TBC1D30: variants seen among roughly 807,000 people sequenced by gnomAD.
TBC1D30 encodes TBC1 domain family, member 30.
In TBC1D30, 31 loss-of-function variants were observed where a neutral mutation model predicts 63.2. The observed-to-expected ratio is 0.49, with a 90% CI of 0.37 to 0.66. TBC1D30 has a LOEUF of 0.66. Among genes scored for constraint, TBC1D30 ranks in the 30% least tolerant of loss-of-function variants. TBC1D30 has a pLI of 0.00. For synonymous variants in TBC1D30, 307 were observed against 361.5 expected, an observed-to-expected ratio of 0.85 and a Z score of 1.71; for missense variants, 810 against 953.6, an observed-to-expected ratio of 0.85 and a Z score of 1.98.
At position 64,877,967 on chromosome 12, in the gene TBC1D30, T is replaced by A. The variant is rs1478266648; in HGVS notation, c.*2179T>A. 1 of 158,466 alleles carries A rather than the reference T, an allele frequency of 6.3e-6. No homozygotes were observed. The highest frequency in any genetic ancestry group is 1.4e-5 in the Non-Finnish European group (1 of 71,446). The allele number at this position is 158,466 out of a possible 1,614,324, so 9.8% of individuals were successfully genotyped here. A position where few individuals can be genotyped will look rare whatever the true frequency, so the allele number is the denominator to read the frequency against. On this transcript the variant is annotated 3_prime_UTR_variant, in exon 12 of 12. Transcript: ENST00000539867. Reference sequence around the variant, plus strand: ...ATACAAGTCCTTGGGATTGTACCATTGCTGTCCACAAACTTAGTATCAACA... The same window carrying A: ...ATACAAGTCCTTGGGATTGTACCATAGCTGTCCACAAACTTAGTATCAACA...
chr12:64,813,142 C>T (rs1873312364), intron 2 of TBC1D30, among the ~76,000 whole-genome samples: 1 of 152,128 alleles, frequency 6.6e-6, no homozygotes, highest in Admixed American at 6.6e-5. Context: ...GTAATCCCAG[C>T]ACTTTGGAAG....
chr12:64,871,536 G>A (rs1255101228), intron 11 of TBC1D30, among the ~76,000 whole-genome samples: 2 of 152,170 alleles, frequency 1.3e-5, no homozygotes, highest in Non-Finnish European at 2.9e-5. Flanking sequence ...GTGAGCATGT[G>A]ACTGATCCTG....
intron 2 of TBC1D30, among the ~76,000 whole-genome samples, chr12:64,801,189 G>A (rs1416980140): frequency 6.6e-6 from 1 of 152,144 alleles, no homozygotes; most frequent in Admixed American, 6.5e-5. Context: ...CTGGAGGAGG[G>A]GCCGTATCAT....
intron 8 of TBC1D30, among the ~76,000 whole-genome samples, chr12:64,861,526 T>G (rs1362844799): frequency 1.3e-5 from 2 of 152,236 alleles, no homozygotes; most frequent in Admixed American, 1.3e-4. Flanking sequence ...CTTTCCCTTT[T>G]CTTTCTGTTC....
intron 2 of TBC1D30, among the ~76,000 whole-genome samples, chr12:64,807,063 C>G (rs1271534628): frequency 6.6e-6 from 1 of 152,096 alleles, no homozygotes; most frequent in Non-Finnish European, 1.5e-5. Context: ...GTGTCCCCAC[C>G]CAAAGCTCAT....
intron 1 of TBC1D30, among the ~76,000 whole-genome samples, chr12:64,783,021 G>T (rs2136292106): frequency 6.6e-6 from 1 of 152,140 alleles, no homozygotes; most frequent in East Asian, 1.9e-4. Context: ...TGCTTATCAG[G>T]TTATTTGATC....
intron 8 of TBC1D30, among the ~76,000 whole-genome samples, chr12:64,847,570 A>G (rs1452852934): frequency 1.3e-5 from 2 of 151,484 alleles, no homozygotes; most frequent in African/African-American, 4.8e-5. Context: ...AGGTTTTAGT[A>G]TGTTGTATTT....
In TBC1D30 at chr12:64,839,962, G is replaced by A. The variant is rs552109291; in HGVS notation, c.932+1111G>A. Among the ~76,000 whole-genome samples the A allele has an allele frequency of 8.4e-5, 11 of 131,432 alleles. No homozygotes were observed. The East Asian group carries it at 2.4e-3, about 28-fold the overall frequency. 86.2% of individuals were successfully genotyped at this position (131,432 alleles called of 152,430 possible). A position where few individuals can be genotyped will look rare whatever the true frequency, so the allele number is the denominator to read the frequency against. The stretch of plus-strand genomic sequence containing the variant: ...GGAGCTTGCAGTGAGCCGAGATCGT[G>A]CCACTGCACTCTAGCCTGGACGACA... On this transcript the variant is annotated intron_variant, in intron 7 of 11. Coordinates refer to ENST00000539867, the MANE Select transcript of TBC1D30 (RefSeq NM_015279.2).
intron 9 of TBC1D30, among the ~76,000 whole-genome samples, 176 bp from the exon 10 acceptor site, chr12:64,866,588 G>T (rs1448550221): frequency 6.6e-6 from 1 of 152,028 alleles, no homozygotes; most frequent in Admixed American, 6.6e-5. Flanking sequence ...CAGGTGTGCG[G>T]CACCACACCT....
intron 2 of TBC1D30, among the ~76,000 whole-genome samples, chr12:64,807,869 C>A (rs116935904): frequency 1.3e-5 from 2 of 150,872 alleles, no homozygotes; most frequent in African/African-American, 2.5e-5. Context: ...CCTGCCTCAG[C>A]CTCCTGAGTA....
intron 1 of TBC1D30, 24 bp from the exon 2 acceptor site, chr12:64,827,811 T>A (rs1298916014): frequency 1.4e-6 from 2 of 1,467,474 alleles, no homozygotes; most frequent in Non-Finnish European, 1.8e-6. Context: ...AAAAATAACA[T>A]CTATTTATGT....
At chr12:64,773,650 T>A (rs1285612339) in intron 1 of TBC1D30, among the ~76,000 whole-genome samples, 1 of 152,190 alleles carries the variant, frequency 6.6e-6, no homozygotes, top group Non-Finnish European at 1.5e-5. Context: ...CTGCCCTCTT[T>A]GCTGTTTTAC....
chr12:64,852,463 C>T (rs1876956556), intron 8 of TBC1D30, among the ~76,000 whole-genome samples: 1 of 152,088 alleles, frequency 6.6e-6, no homozygotes, highest in African/African-American at 2.4e-5. Flanking sequence ...TTATTATTAC[C>T]CACCTTCTGA....
intron 8 of TBC1D30, among the ~76,000 whole-genome samples, chr12:64,859,419 G>A (rs1169804371): frequency 6.6e-6 from 1 of 152,174 alleles, no homozygotes; most frequent in Non-Finnish European, 1.5e-5. Context: ...AAGATTTTAA[G>A]GAGAGGAGGA....
At chr12:64,849,325 G>C (rs1228247047) in intron 8 of TBC1D30, among the ~76,000 whole-genome samples, 1 of 152,114 alleles carries the variant, frequency 6.6e-6, no homozygotes, top group Non-Finnish European at 1.5e-5. Flanking sequence ...ATTGCTTTTT[G>C]TGTTTTAGTC....
intron 2 of TBC1D30, among the ~76,000 whole-genome samples, chr12:64,795,188 A>T (rs1332072075): frequency 6.6e-6 from 1 of 152,180 alleles, no homozygotes; most frequent in African/African-American, 2.4e-5. Context: ...CCCTCAGGTC[A>T]GTATCTTCAA....
At chr12:64,826,177 C>T (rs1435212140) in intron 1 of TBC1D30, among the ~76,000 whole-genome samples, 2 of 152,074 alleles carry the variant, frequency 1.3e-5, no homozygotes, top group Admixed American at 6.5e-5. Flanking sequence ...TCTCTCTGCC[C>T]GTATTCTGTT....
At chr12:64,847,043 T>G (rs1040489721) in intron 8 of TBC1D30, among the ~76,000 whole-genome samples, 24 of 152,206 alleles carry the variant, frequency 1.6e-4, no homozygotes, top group African/African-American at 5.8e-4. Flanking sequence ...GGAGATTTTT[T>G]ATTATGGCTT....
chr12:64,818,966 C>T (rs1002785333), intron 2 of TBC1D30, among the ~76,000 whole-genome samples: 1 of 152,084 alleles, frequency 6.6e-6, no homozygotes, highest in African/African-American at 2.4e-5. Flanking sequence ...ACAGGAAATA[C>T]CACGACAAGA....
Sources: gnomAD v4.1 joint callset for allele counts (sites outside exome capture counted in the v4.1 genomes callset) on GRCh38, gnomAD v4.1.1 for gene constraint, MANE v1.5 for transcripts, NCBI Gene and HGNC (gene_info 2026-07-23, HGNC 2026-07-21) for gene names.